The following FGF13 variants were observed in gnomAD, a reference collection of about 807,000 sequenced individuals.
The protein encoded by FGF13 is fibroblast growth factor 13.
In FGF13, 2 loss-of-function variants were observed where a neutral mutation model predicts 19.5. The observed-to-expected ratio is 0.10, with a 90% confidence interval of 0.04 to 0.32. The LOEUF (loss-of-function observed/expected upper bound fraction) is 0.32, where lower values mean the gene tolerates loss of function less well. Ranked by LOEUF, FGF13 falls within the 10% of genes least tolerant of loss-of-function variation. The pLI is 1.00. For missense variants in FGF13, 113 were observed against 192.7 expected, an observed-to-expected ratio of 0.59 and a Z score of 2.45; for synonymous variants, 72 against 76.9, an observed-to-expected ratio of 0.94 and a Z score of 0.33.
intron 1 of FGF13, among the ~76,000 whole-genome samples, chrX:139,153,785 A>G (rs1003603866): frequency 2.8e-4 from 31 of 110,863 alleles, no homozygotes; most frequent in African/African-American, 1.0e-3. Flanking sequence ...ATTGGGCCCT[A>G]ATCCAATGAC....
chrX:138,868,145 T>G (rs2091338982), intron 1 of FGF13, among the ~76,000 whole-genome samples: 2 of 111,941 alleles, frequency 1.8e-5, no homozygotes, highest in Non-Finnish European at 3.8e-5. Context: ...TCTCACTCAC[T>G]TTGCTTTAAA....
chrX:138,883,145 G>A (rs1440763226), intron 1 of FGF13, among the ~76,000 whole-genome samples: 1 of 112,309 alleles, frequency 8.9e-6, no homozygotes, highest in Admixed American at 9.4e-5. Context: ...CTGCTGCAGT[G>A]TCAGCACTCA....
intron 3 of FGF13, among the ~76,000 whole-genome samples, chrX:138,778,142 C>T (rs774834669): frequency 1.5e-4 from 16 of 109,724 alleles, no homozygotes; most frequent in South Asian, 4.0e-4. Flanking sequence ...TCTGAGGTAC[C>T]GGGTTCATCT....
At chrX:138,635,382 A>G in intron 4 of FGF13, 75 bp downstream of exon 4, 1 of 1,051,078 alleles carries the variant, frequency 9.5e-7, no homozygotes, top group Non-Finnish European at 1.3e-6. Context: ...CTGTACCCCC[A>G]AAACTATTGA....
At chrX:138,997,540 A>G (rs1282870700) in intron 1 of FGF13, among the ~76,000 whole-genome samples, 1 of 111,787 alleles carries the variant, frequency 8.9e-6, no homozygotes, top group Non-Finnish European at 1.9e-5. Context: ...AACCATACAC[A>G]AGTTTCAATG....
intron 1 of FGF13, among the ~76,000 whole-genome samples, chrX:139,148,462 T>C (rs2083907773): frequency 9.1e-6 from 1 of 110,328 alleles, no homozygotes; most frequent in African/African-American, 3.3e-5. Flanking sequence ...ACATAATAAA[T>C]CATAAAGGCC....
intron 1 of FGF13, among the ~76,000 whole-genome samples, chrX:139,030,085 C>A (rs1036248486): frequency 9.0e-6 from 1 of 111,550 alleles, no homozygotes; most frequent in Admixed American, 9.5e-5. Flanking sequence ...ACTTTGCCAA[C>A]CCCTAGTTTT....
At chrX:138,868,512 C>T (rs1162125581) in intron 1 of FGF13, among the ~76,000 whole-genome samples, 1 of 111,038 alleles carries the variant, frequency 9.0e-6, no homozygotes, top group Non-Finnish European at 1.9e-5. Context: ...CTTTCTTGCC[C>T]GAAATCTTCT....
intron 1 of FGF13, among the ~76,000 whole-genome samples, chrX:139,189,153 T>A (rs1462302106): frequency 1.8e-5 from 2 of 110,839 alleles, no homozygotes; most frequent in African/African-American, 6.6e-5. Context: ...CTATTTACTC[T>A]ACTCATGGTT....
At chrX:138,649,146 A>C (rs997782091) in intron 3 of FGF13, among the ~76,000 whole-genome samples, 8 of 111,995 alleles carry the variant, frequency 7.1e-5, no homozygotes, top group African/African-American at 2.6e-4. Flanking sequence ...ATTGGTATAC[A>C]ATAAATTGTT....
chrX:139,081,190 C>T (rs1319961777), intron 1 of FGF13, among the ~76,000 whole-genome samples: 2 of 111,255 alleles, frequency 1.8e-5, no homozygotes, highest in African/African-American at 6.5e-5. Context: ...ACCAAGATCA[C>T]CAACCTCCCT....
At chrX:138,853,185 A>G (rs1459800294), downstream of FGF13, among the ~76,000 whole-genome samples, 4 of 111,977 alleles carry the variant, frequency 3.6e-5, no homozygotes, top group Non-Finnish European at 7.5e-5. Context: ...TTATTCAACT[A>G]TTAATTCAAA....
chrX:138,985,099 G>A, intron 1 of FGF13: 1 of 363,733 alleles, frequency 2.7e-6, no homozygotes, highest in Non-Finnish European at 5.5e-6. Flanking sequence ...CCTCTGTGAA[G>A]TAAGGAAACA....
rs1383436004 is a variant in FGF13, at chrX:138,623,630, A to T, written c.*9220T>A. 9.1e-6 allele frequency: 1 copy of T among 110,288 alleles called. No individual in the cohort carries two copies. The highest frequency in any genetic ancestry group is 1.9e-5 in the Non-Finnish European group (1 of 52,867). The allele number at this position is 110,288 out of a possible 1,213,427, so 9.1% of individuals were successfully genotyped here. On this transcript the variant is annotated 3_prime_UTR_variant, in exon 5 of 5. Transcript: ENST00000315930. ...TCTATCTACTAAAAATACAAAAATTAGCCAGGCATGGTGGTAGGCGCCTAT... is the reference window on the plus strand; with the variant it reads ...TCTATCTACTAAAAATACAAAAATTTGCCAGGCATGGTGGTAGGCGCCTAT...
intron 1 of FGF13, among the ~76,000 whole-genome samples, chrX:139,156,191 CA>C (rs2083975584): frequency 8.9e-6 from 1 of 112,227 alleles, no homozygotes; most frequent in Non-Finnish European, 1.9e-5. Flanking sequence ...GAAAATAAAT[CA>C]CCCAAAACTT....
intron 3 of FGF13, among the ~76,000 whole-genome samples, chrX:138,807,895 C>T (rs2124020161): frequency 8.9e-6 from 1 of 111,968 alleles, no homozygotes; most frequent in East Asian, 2.8e-4. Flanking sequence ...AGCTAACTAT[C>T]CTAAATATAT....
chrX:139,065,113 T>C (rs2092350523), intron 1 of FGF13, among the ~76,000 whole-genome samples: 1 of 110,696 alleles, frequency 9.0e-6, no homozygotes, highest in Admixed American at 9.7e-5. Context: ...CATTGAGATG[T>C]TATCACCAAC....
intron 1 of FGF13, among the ~76,000 whole-genome samples, chrX:139,162,571 C>G (rs1402665225): frequency 4.5e-5 from 5 of 111,849 alleles, no homozygotes; most frequent in African/African-American, 1.3e-4. Context: ...AGCTTCTGAA[C>G]AGCAAAAGAA....
intron 3 of FGF13, among the ~76,000 whole-genome samples, chrX:138,812,476 T>A (rs1318583496): frequency 1.8e-5 from 2 of 111,167 alleles, no homozygotes; most frequent in African/African-American, 6.5e-5. Flanking sequence ...ACTTTTTAAG[T>A]GGTTTACCTC....
Sources: allele counts gnomAD v4.1 joint callset (sites outside exome capture counted in the v4.1 genomes callset), GRCh38; gene constraint gnomAD v4.1.1; transcripts MANE v1.5; gene names NCBI Gene and HGNC (gene_info 2026-07-23, HGNC 2026-07-21).